The following SGSH variants were observed in gnomAD, a reference collection of about 807,000 sequenced individuals.
The protein encoded by SGSH is N-sulfoglucosamine sulfohydrolase.
In SGSH, 48 loss-of-function variants were observed where a neutral mutation model predicts 51.0. The ratio of observed to expected loss-of-function variants is 0.94; its 90% confidence interval spans 0.75 to 1.20. The LOEUF (loss-of-function observed/expected upper bound fraction) is 1.20, where lower values mean the gene tolerates loss of function less well. Among genes scored for constraint, SGSH ranks in the 50% most tolerant of loss-of-function variants. The pLI is 0.00. For synonymous variants in SGSH, 321 were observed against 313.4 expected, an observed-to-expected ratio of 1.02 and a Z score of -0.26; for missense variants, 662 against 717.8, an observed-to-expected ratio of 0.92 and a Z score of 0.89.
chr17:80,208,108 G>T, downstream of SGSH: 2 of 1,465,562 alleles, frequency 1.4e-6, no homozygotes, highest in Non-Finnish European at 1.8e-6. Context: ...TCTCCCCTGA[G>T]CCCGCCCCCC....
the SGSH span, chr17:80,201,248 G>C: frequency 6.2e-6 from 1 of 161,602 alleles, no homozygotes; most frequent in African/African-American, 2.4e-5. The surrounding 1 kb of genome is among the most constrained non-coding windows in gnomAD (Gnocchi z 5.0). Context: ...GAAGTGGATG[G>C]TGGAAGCCCT....
chr17:80,207,656 C>CT (rs775117492), downstream of SGSH: 1 of 159,268 alleles, frequency 6.3e-6, no homozygotes, highest in Non-Finnish European at 1.4e-5. Context: ...ATGACGGTGC[C>CT]TTTTACAGTG....
chr17:80,218,372 A>C (rs2041971054), intron 1 of SGSH, among the ~76,000 whole-genome samples: 1 of 152,232 alleles, frequency 6.6e-6, no homozygotes, highest in South Asian at 2.1e-4. Context: ...CACACTGGGC[A>C]GCAGGAAACA....
chr17:80,212,243 G>C lies in SGSH; in HGVS notation c.777C>G (p.Asp259Glu). The C allele has an allele frequency of 1.2e-6, 2 of 1,612,252 alleles. No homozygotes were observed. The highest frequency in any genetic ancestry group is 1.7e-6 in the Non-Finnish European group (2 of 1,179,508). Reference sequence around the variant, plus strand: ...CCAGTGTGTCGTTCAGGACACCGGCGTCACGCAGCTCCTGGAGCACCAGTC... The same window carrying C: ...CCAGTGTGTCGTTCAGGACACCGGCCTCACGCAGCTCCTGGAGCACCAGTC... The part of the protein sequence containing the change: ...GVGLVLQELR[D>E]AGVLNDTLVI... Residue 259 changes from aspartate to glutamate, a missense_variant, in exon 7 of 8, where the codon GAC becomes GAG. Physicochemically the swap from Asp to Glu is conservative, Grantham distance 45. Transcript: ENST00000326317. The surrounding 1 kb of genome is among the most constrained non-coding windows in gnomAD (Gnocchi z 5.9).
In SGSH at chr17:80,213,763, G is replaced by A. The variant is rs377691452; in HGVS notation, c.745+41C>T. The A allele has an allele frequency of 1.8e-5, 28 of 1,539,650 alleles. No homozygotes were observed. Among genetic ancestry groups the A allele is most frequent in the East Asian group, 2.3e-5 (1 of 43,694 alleles). On this transcript the variant is annotated intron_variant, in intron 6 of 7. Transcript: ENST00000326317. The surrounding 1 kb of genome is among the most constrained non-coding windows in gnomAD (Gnocchi z 4.6). The stretch of plus-strand genomic sequence containing the variant: ...GCGCTGGCCCAGGATGGGGGACCCC[G>A]GCCGTGGCACCCCCTCCAGTGCCCG...
chr17:80,204,465 C>G, downstream of SGSH: 1 of 926,414 alleles, frequency 1.1e-6, no homozygotes, highest in East Asian at 2.8e-5. Context: ...ATCTGGTCTT[C>G]AAGAATCATG....
chr17:80,204,463 TTC>T, downstream of SGSH: 2 of 950,960 alleles, frequency 2.1e-6, no homozygotes, highest in Non-Finnish European at 3.1e-6. Context: ...GGATCTGGTC[TTC>T]AAGAATCATG....
chr17:80,204,338 G>A, downstream of SGSH: 1 of 1,569,144 alleles, frequency 6.4e-7, no homozygotes, highest in Non-Finnish European at 8.7e-7. Flanking sequence ...CAGCAGGATG[G>A]AGGGTGAGGC....
downstream of SGSH, chr17:80,201,834 G>A (rs748993106): frequency 1.5e-5 from 25 of 1,613,820 alleles, no homozygotes; most frequent in East Asian, 1.6e-4. The surrounding 1 kb of genome is among the most constrained non-coding windows in gnomAD (Gnocchi z 5.0). Context: ...GAGGGTGGAC[G>A]GCTTCTGCTG....
rs112816244 is a variant in SGSH at position 80,212,414 on chromosome 17, C to G, written c.746-140G>C. 13,891 of 752,108 alleles carry G rather than the reference C, an allele frequency of 0.018. 171 individuals are homozygous for G. The highest frequency in any genetic ancestry group is 0.03 in the Middle Eastern group (87 of 2,858). The allele number at this position is 752,108 out of a possible 1,614,324, so 46.6% of individuals were successfully genotyped here. On this transcript the variant is annotated intron_variant, in intron 6 of 7. Transcript: ENST00000326317. The surrounding 1 kb of genome is among the most constrained non-coding windows in gnomAD (Gnocchi z 5.9). ...GATTCGAAAGCACCCTGTAGTTCTT[C>G]CCAATGGCCCTGGCTCTTGCCCAGC...
chr17:80,204,865 G>T, downstream of SGSH: 1 of 593,746 alleles, frequency 1.7e-6, no homozygotes, highest in South Asian at 2.3e-5. Context: ...CGCTCAGCCA[G>T]GGGCTATGGA....
chr17:80,204,260 A>G (rs754681974), downstream of SGSH: 9 of 1,598,344 alleles, frequency 5.6e-6, no homozygotes, highest in South Asian at 3.3e-5. Context: ...GCTGGTCCGC[A>G]TCGTCAGTAT....
Position 80,213,924 on chromosome 17 carries a change from G to T in SGSH, c.664-39C>A. On this transcript the variant is annotated intron_variant, in intron 5 of 7. Transcript: ENST00000326317. This position sits in a 1 kb window ranked among gnomAD's most constrained non-coding sequence, Gnocchi z 4.6. Reference sequence around the variant, plus strand: ...TGGGGAGCCAGGCTTAGAACAGACAGACCGGGGGAGCGGTGTCCAGCCTTC... The same window carrying T: ...TGGGGAGCCAGGCTTAGAACAGACATACCGGGGGAGCGGTGTCCAGCCTTC... The T allele has an allele frequency of 1.5e-6, 1 of 670,230 alleles. No individual in the cohort carries two copies. The highest frequency in any genetic ancestry group is 2.0e-6 in the Non-Finnish European group (1 of 495,326). The allele number at this position is 670,230 out of a possible 1,614,324, so 41.5% of individuals were successfully genotyped here. A position where few individuals can be genotyped will look rare whatever the true frequency, so the allele number is the denominator to read the frequency against.
chr17:80,212,099 T>A lies in SGSH; in HGVS notation c.921A>T (p.Gln307His). The change falls in exon 7 of 8, where the codon CAA becomes CAT. Residue 307 changes from glutamine (Q) to histidine (H), a missense_variant. Physicochemically the swap from Gln to His is conservative, Grantham distance 24. Transcript: ENST00000326317. The surrounding 1 kb of genome is among the most constrained non-coding windows in gnomAD (Gnocchi z 5.9). ...GGAGGCTCACGTAGGCCTCGCTGAC[T>A]TGGCCCCAGCGTTTTGGGTGCTCCG... Reference protein sequence around the residue: ...SSPEHPKRWGQVSEAYVSLLD... With the variant: ...SSPEHPKRWGHVSEAYVSLLD... The A allele has an allele frequency of 6.2e-7, 1 of 1,613,606 alleles. No homozygotes were observed. The highest frequency in any genetic ancestry group is 8.5e-7 in the Non-Finnish European group (1 of 1,180,018).
Position 80,210,086 on chromosome 17 carries a change from G to A in SGSH, c.*366C>T. 2 of 1,135,778 alleles carry A rather than the reference G, an allele frequency of 1.8e-6. No homozygotes were observed. The highest frequency in any genetic ancestry group is 2.2e-6 in the Non-Finnish European group (2 of 920,516). 70.4% of individuals were successfully genotyped at this position (1,135,778 alleles called of 1,614,324 possible). A position where few individuals can be genotyped will look rare whatever the true frequency, so the allele number is the denominator to read the frequency against. ...GAGGGCCTCAGGCCTCCCATTTGCA[G>A]GTCCCCAAACCAAGCCAGAAAACAA... On this transcript the variant is annotated 3_prime_UTR_variant, in exon 8 of 8. Coordinates refer to ENST00000326317, the MANE Select transcript of SGSH (RefSeq NM_000199.5).
At position 80,214,027 on chromosome 17, in the gene SGSH, G is replaced by C. The variant is rs748102171; in HGVS notation, c.664-142C>G. The C allele has an allele frequency of 4.5e-6, 6 of 1,326,922 alleles. No individual in the cohort carries two copies. In the Admixed American group the frequency reaches 5.9e-5, roughly 13 times the overall value. 82.2% of individuals were successfully genotyped at this position (1,326,922 alleles called of 1,614,324 possible). On this transcript the variant is annotated intron_variant, in intron 5 of 7. Coordinates refer to ENST00000326317, the MANE Select transcript of SGSH (RefSeq NM_000199.5). ...ACCCCGTCTCTCTACGGTTCTCTCTGTGGCCCCGAGGTTGGGAACCTGAAT... is the reference window on the plus strand; with the variant it reads ...ACCCCGTCTCTCTACGGTTCTCTCTCTGGCCCCGAGGTTGGGAACCTGAAT...
At chr17:80,208,700 C>G (rs370386884), downstream of SGSH, 3 of 220,818 alleles carry the variant, frequency 1.4e-5, no homozygotes, top group South Asian at 4.6e-4. Context: ...TCTGCAGGCC[C>G]GATTCAAATC....
intron 4 of SGSH, 94 bp from the exon 5 acceptor site, chr17:80,214,422 G>T: frequency 1.4e-6 from 2 of 1,439,936 alleles, no homozygotes; most frequent in South Asian, 2.6e-5. Context: ...GTATCTGGAA[G>T]TCAACCTGTG....
chr17:80,213,932 G>C lies in SGSH; in HGVS notation c.664-47C>G, dbSNP rs546291124. On this transcript the variant is annotated intron_variant, in intron 5 of 7. Coordinates refer to ENST00000326317, the MANE Select transcript of SGSH (RefSeq NM_000199.5). This position sits in a 1 kb window ranked among gnomAD's most constrained non-coding sequence, Gnocchi z 4.6. Reference sequence around the variant, plus strand: ...CAGGCTTAGAACAGACAGACCGGGGGAGCGGTGTCCAGCCTTCTCCCCGGG... The same window carrying C: ...CAGGCTTAGAACAGACAGACCGGGGCAGCGGTGTCCAGCCTTCTCCCCGGG... The C allele has an allele frequency of 1.3e-6, 2 of 1,550,740 alleles. No homozygotes were observed. The highest frequency in any genetic ancestry group is 2.3e-5 in the South Asian group (2 of 86,890).
Sources: gnomAD v4.1 joint callset for allele counts (sites outside exome capture counted in the v4.1 genomes callset) on GRCh38, gnomAD v4.1.1 for gene constraint, Gnocchi (gnomAD v3.1) non-coding constraint, MANE v1.5 for transcripts, NCBI Gene and HGNC (gene_info 2026-07-23, HGNC 2026-07-21) for gene names.